Variants in MBP observed in about 807,000 individuals in gnomAD.
The protein encoded by MBP is myelin basic protein.
A neutral mutation model predicts 35.8 loss-of-function variants in MBP; 16 were observed. The ratio of observed to expected loss-of-function variants is 0.45; its 90% CI spans 0.30 to 0.68. The LOEUF (loss-of-function observed/expected upper bound fraction) is 0.68, where lower values mean the gene tolerates loss of function less well. Among genes scored for constraint, MBP ranks in the 30% least tolerant of loss-of-function variants. MBP has a pLI of 0.08. For missense variants in MBP, 380 were observed against 404.7 expected (o/e 0.94, Z 0.52); for synonymous variants, 143 against 159.6 (o/e 0.90, Z 0.78).
chr18:77,086,451 T>G (rs1975240268), intron 2 of MBP, among the ~76,000 whole-genome samples: 1 of 152,202 alleles, frequency 6.6e-6, no homozygotes, highest in African/African-American at 2.4e-5. Flanking sequence ...CCACAGATGT[T>G]CTCTAGCCTT....
intron 4 of MBP, among the ~76,000 whole-genome samples, chr18:77,002,543 G>A (rs1468589918): frequency 4.7e-5 from 7 of 148,678 alleles, no homozygotes; most frequent in Non-Finnish European, 1.1e-4. Context: ...AGCCAGAATA[G>A]AGAAAGCAAG....
intron 3 of MBP, among the ~76,000 whole-genome samples, chr18:77,022,926 A>G (rs913185790): frequency 9.2e-5 from 14 of 152,224 alleles, no homozygotes; most frequent in Non-Finnish European, 1.5e-5. Context: ...CCCAATGCAG[A>G]CTTTTACATT....
chr18:77,018,355 TACACATAC>T (rs1209706513), intron 3 of MBP, among the ~76,000 whole-genome samples: 30 of 85,198 alleles, frequency 3.5e-4, no homozygotes, highest in Admixed American at 1.0e-3. Context: ...CATCCATCCA[TACACATAC>T]CCACCTACCC....
intron 2 of MBP, chr18:77,068,979 G>A (rs1354359470): frequency 1.3e-5 from 6 of 476,378 alleles, no homozygotes; most frequent in Admixed American, 2.2e-5. Flanking sequence ...ACCTCACCTC[G>A]GGGCCTCTGA....
chr18:77,122,124 C>T (rs1047022987), intron 1 of MBP, among the ~76,000 whole-genome samples: 2 of 152,172 alleles, frequency 1.3e-5, no homozygotes, highest in African/African-American at 4.8e-5. Context: ...ATGAGTAGAA[C>T]TGGCAGAATC....
chr18:76,998,140 C>T (rs1316760441), intron 4 of MBP, among the ~76,000 whole-genome samples: 1 of 152,232 alleles, frequency 6.6e-6, no homozygotes. Context: ...TCCAGCTTCC[C>T]GAACTGAAAC....
At chr18:77,040,064 C>T (rs150153155) in intron 3 of MBP, among the ~76,000 whole-genome samples, 1 of 152,332 alleles carries the variant, frequency 6.6e-6, no homozygotes, top group Non-Finnish European at 1.5e-5. Context: ...TATAAAGCCA[C>T]AGTTACCTAA....
At chr18:77,077,832 C>G (rs940746867) in intron 2 of MBP, among the ~76,000 whole-genome samples, 13 of 152,246 alleles carry the variant, frequency 8.5e-5, no homozygotes, top group Non-Finnish European at 1.5e-5. Context: ...ATTATAGAAT[C>G]TAAACTTAAC....
At chr18:77,122,810 T>TG (rs1976930449) in intron 1 of MBP, among the ~76,000 whole-genome samples, 1 of 152,226 alleles carries the variant, frequency 6.6e-6, no homozygotes, top group Non-Finnish European at 1.5e-5. Flanking sequence ...CCCAAAGTGC[T>TG]GGGATTACAG....
intron 1 of MBP, among the ~76,000 whole-genome samples, chr18:77,132,198 C>A (rs1215105530): frequency 2.6e-5 from 4 of 152,228 alleles, no homozygotes; most frequent in East Asian, 3.9e-4. Flanking sequence ...GTTTCAGCGA[C>A]CCTGGGACCG....
chr18:77,029,180 T>A (rs1226176110), intron 3 of MBP, among the ~76,000 whole-genome samples: 1 of 125,086 alleles, frequency 8.0e-6, no homozygotes, highest in Non-Finnish European at 1.9e-5. Flanking sequence ...AGGCCGAGGC[T>A]GGCGGATCAC....
At chr18:76,999,378 C>T (rs755168972) in intron 4 of MBP, among the ~76,000 whole-genome samples, 11 of 152,058 alleles carry the variant, frequency 7.2e-5, no homozygotes, top group African/African-American at 1.4e-4. Context: ...ACGCTTGTGA[C>T]GTATAAGGTC....
intron 1 of MBP, 95 bp from the exon 2 acceptor site, chr18:77,105,381 T>G (rs1976234343): frequency 2.7e-6 from 2 of 734,270 alleles, no homozygotes; most frequent in Non-Finnish European, 4.8e-6. Context: ...GTGATATATG[T>G]AATGCCCATT....
intron 4 of MBP, among the ~76,000 whole-genome samples, chr18:77,000,681 C>A (rs1295408822): frequency 6.6e-6 from 1 of 152,240 alleles, no homozygotes; most frequent in Non-Finnish European, 1.5e-5. Flanking sequence ...CTGTTTCTCT[C>A]CAGAAATCAG....
chr18:76,993,726 C>A (rs1250766885), intron 4 of MBP, among the ~76,000 whole-genome samples: 1 of 152,200 alleles, frequency 6.6e-6, no homozygotes, highest in Non-Finnish European at 1.5e-5. Context: ...CCATACTCTT[C>A]ACAGAAGGCC....
At chr18:77,009,701 C>G in intron 4 of MBP, 1 of 691,746 alleles carries the variant, frequency 1.4e-6, no homozygotes, top group South Asian at 2.0e-5. Context: ...AGGCCTGCCT[C>G]CCTGCTTTCA....
intron 3 of MBP, among the ~76,000 whole-genome samples, chr18:77,021,272 C>T (rs1159464895): frequency 1.3e-5 from 2 of 152,204 alleles, no homozygotes; most frequent in East Asian, 1.9e-4. Flanking sequence ...GGTGCACACA[C>T]ACCCACGTGT....
intron 7 of MBP, chr18:76,987,551 C>T: frequency 1.0e-6 from 1 of 985,360 alleles, no homozygotes; most frequent in Non-Finnish European, 1.2e-6. Context: ...CCTGTTCTTT[C>T]TTCCTGTTCT....
chr18:76,987,664 T>A (rs1384343115), intron 7 of MBP: 2 of 990,474 alleles, frequency 2.0e-6, no homozygotes, highest in African/African-American at 3.5e-5. Flanking sequence ...TATGAGAGCA[T>A]TGCAGTTTCG....
Sources: allele counts gnomAD v4.1 joint callset (sites outside exome capture counted in the v4.1 genomes callset), GRCh38; gene constraint gnomAD v4.1.1; transcripts MANE v1.5; gene names NCBI Gene and HGNC (gene_info 2026-07-23, HGNC 2026-07-21).